The following GABRB1 variants were observed in gnomAD, a reference collection of about 807,000 sequenced individuals.
GABRB1 encodes the protein gamma-aminobutyric acid type A receptor subunit beta1.
A neutral mutation model predicts 51.6 loss-of-function variants in GABRB1; 17 were observed. That is an observed-to-expected ratio of 0.33 (90% confidence interval 0.23 to 0.49). The LOEUF (loss-of-function observed/expected upper bound fraction) is 0.49. Ranked by LOEUF, GABRB1 falls within the 20% of genes least tolerant of loss-of-function variation. The pLI is 0.99. For synonymous variants in GABRB1, 247 were observed against 218.9 expected, an observed-to-expected ratio of 1.13 and a Z score of -1.14; for missense variants, 410 against 600.6, an observed-to-expected ratio of 0.68 and a Z score of 3.32.
At chr4:47,128,042 A>G (rs1247464578) in intron 3 of GABRB1, among the ~76,000 whole-genome samples, 1 of 151,790 alleles carries the variant, frequency 6.6e-6, no homozygotes, top group Non-Finnish European at 1.5e-5. Context: ...TATAAACTAT[A>G]TATGAATATT....
At chr4:47,083,199 C>T (rs1385135166) in intron 3 of GABRB1, among the ~76,000 whole-genome samples, 2 of 152,084 alleles carry the variant, frequency 1.3e-5, no homozygotes, top group African/African-American at 4.8e-5. Context: ...TTGATGGGTT[C>T]TCAGTGATTT....
intron 4 of GABRB1, among the ~76,000 whole-genome samples, chr4:47,246,002 G>A (rs377401140): frequency 2.4e-4 from 36 of 147,814 alleles, no homozygotes; most frequent in African/African-American, 8.2e-4. Context: ...GTGAGATTTC[G>A]GTGCACCCAT....
chr4:47,087,407 G>A (rs34926350), intron 3 of GABRB1, among the ~76,000 whole-genome samples: 35,240 of 152,084 alleles, frequency 0.23, 5,256 homozygotes, highest in Middle Eastern at 0.36. Context: ...CTGGGAGACA[G>A]TCACAGCCCA....
chr4:47,053,282 T>C (rs193158404), intron 3 of GABRB1, among the ~76,000 whole-genome samples: 112 of 152,212 alleles, frequency 7.4e-4, no homozygotes, highest in Non-Finnish European at 4.6e-4. Flanking sequence ...ACAACAAAAA[T>C]TTATTTTTTT....
chr4:47,294,889 G>A (rs1211772010), intron 4 of GABRB1, among the ~76,000 whole-genome samples: 8 of 152,236 alleles, frequency 5.3e-5, no homozygotes, highest in Middle Eastern at 3.4e-3. Flanking sequence ...TCACACGGCC[G>A]GGTACTCCTC....
At chr4:47,217,267 A>C (rs2109818501) in intron 4 of GABRB1, among the ~76,000 whole-genome samples, 1 of 151,976 alleles carries the variant, frequency 6.6e-6, no homozygotes, top group African/African-American at 2.4e-5. Context: ...TAAATACCTA[A>C]GTAGAAAATG....
chr4:47,229,846 AT>A (rs984239198), intron 4 of GABRB1, among the ~76,000 whole-genome samples: 1 of 152,014 alleles, frequency 6.6e-6, no homozygotes, highest in African/African-American at 2.4e-5. Context: ...CAAGAAATGG[AT>A]TTTTTCACTA....
chr4:47,337,753 T>C (rs560514605), intron 5 of GABRB1, among the ~76,000 whole-genome samples: 149 of 138,798 alleles, frequency 1.1e-3, no homozygotes, highest in Non-Finnish European at 1.1e-3. Context: ...AAGGTTTCAG[T>C]GAGCCGACAT....
chr4:47,087,436 C>T (rs1041419657), intron 3 of GABRB1, among the ~76,000 whole-genome samples: 100 of 152,054 alleles, frequency 6.6e-4, no homozygotes, highest in African/African-American at 1.6e-3. Context: ...CGCTTGCTGC[C>T]GCCTTGCCTG....
intron 5 of GABRB1, among the ~76,000 whole-genome samples, chr4:47,387,541 G>A (rs971628978): frequency 1.3e-5 from 2 of 152,142 alleles, no homozygotes; most frequent in East Asian, 3.9e-4. Flanking sequence ...AAACTGGCTC[G>A]ATACAATTAA....
intron 3 of GABRB1, among the ~76,000 whole-genome samples, chr4:47,121,193 T>C (rs986044820): frequency 6.6e-6 from 1 of 152,106 alleles, no homozygotes; most frequent in Admixed American, 6.6e-5. Context: ...CTCATCTAAA[T>C]GCTCCCTCCA....
intron 4 of GABRB1, among the ~76,000 whole-genome samples, chr4:47,255,974 T>A (rs971411904): frequency 6.6e-6 from 1 of 152,184 alleles, no homozygotes; most frequent in African/African-American, 2.4e-5. Context: ...TATCTACTGA[T>A]AAAAGTCTTC....
At chr4:47,266,583 G>A (rs1485036257) in intron 4 of GABRB1, among the ~76,000 whole-genome samples, 1 of 152,152 alleles carries the variant, frequency 6.6e-6, no homozygotes, top group Non-Finnish European at 1.5e-5. Flanking sequence ...TATTGGTATA[G>A]TTTTGAGAGT....
intron 3 of GABRB1, among the ~76,000 whole-genome samples, chr4:47,106,826 C>T (rs1714992112): frequency 6.6e-6 from 1 of 152,048 alleles, no homozygotes; most frequent in Non-Finnish European, 1.5e-5. Context: ...ATGACCATAA[C>T]AGTTTTGTTT....
intron 3 of GABRB1, among the ~76,000 whole-genome samples, chr4:47,148,768 G>A (rs955743129): frequency 1.3e-5 from 2 of 151,628 alleles, no homozygotes; most frequent in Non-Finnish European, 2.9e-5. Context: ...CATCATGGCA[G>A]CAGAGTTCAT....
intron 1 of GABRB1, among the ~76,000 whole-genome samples, chr4:47,008,758 C>T (rs528864022): frequency 1.2e-4 from 17 of 147,464 alleles, no homozygotes; most frequent in African/African-American, 4.2e-4. Context: ...GGATTACAGG[C>T]GTGAGCCACT....
At chr4:47,047,468 T>A (rs903213629) in intron 3 of GABRB1, among the ~76,000 whole-genome samples, 1 of 152,158 alleles carries the variant, frequency 6.6e-6, no homozygotes, top group African/African-American at 2.4e-5. Flanking sequence ...CAAAGTTATA[T>A]AACAAGTAAG....
chr4:47,244,714 G>A (rs958312356), intron 4 of GABRB1, among the ~76,000 whole-genome samples: 3 of 152,066 alleles, frequency 2.0e-5, no homozygotes, highest in Admixed American at 6.6e-5. Context: ...TCAACTACAT[G>A]GAAACTGAAC....
At chr4:47,037,655 A>C (rs1725648979) in intron 3 of GABRB1, among the ~76,000 whole-genome samples, 1 of 152,020 alleles carries the variant, frequency 6.6e-6, no homozygotes, top group Non-Finnish European at 1.5e-5. Context: ...AGGATTGCAG[A>C]ATCAGACTGG....
Sources: allele counts gnomAD v4.1 joint callset (sites outside exome capture counted in the v4.1 genomes callset), GRCh38; gene constraint gnomAD v4.1.1; transcripts MANE v1.5; gene names NCBI Gene and HGNC (gene_info 2026-07-23, HGNC 2026-07-21).